KIAA1671: variants seen among roughly 807,000 people sequenced by gnomAD.
KIAA1671 encodes uncharacterized protein KIAA1671.
In KIAA1671, 52 loss-of-function variants were observed where a neutral mutation model predicts 131.2. The observed-to-expected ratio is 0.40, with a 90% CI of 0.32 to 0.50. The LOEUF (loss-of-function observed/expected upper bound fraction) is 0.50. KIAA1671 is among the 20% of genes least tolerant of loss of function. The pLI is 0.73. For synonymous variants in KIAA1671, 1,003 were observed against 961.6 expected, an observed-to-expected ratio of 1.04 and a Z score of -0.80; for missense variants, 2,360 against 2,364.2, an observed-to-expected ratio of 1.00 and a Z score of 0.04.
At chr22:25,074,954 G>A (rs1056812469) in intron 6 of KIAA1671, among the ~76,000 whole-genome samples, 1 of 152,126 alleles carries the variant, frequency 6.6e-6, no homozygotes, top group African/African-American at 2.4e-5. Context: ...ACTATTTTAC[G>A]TAACAACTTA....
intron 6 of KIAA1671, among the ~76,000 whole-genome samples, chr22:25,073,950 TC>T (rs1360308963): frequency 6.6e-6 from 1 of 152,180 alleles, no homozygotes; most frequent in Non-Finnish European, 1.5e-5. Context: ...CGCCTGGGCC[TC>T]CCAAAGTGCT....
chr22:25,173,991 G>A (rs1284604844), intron 7 of KIAA1671, among the ~76,000 whole-genome samples: 2 of 152,306 alleles, frequency 1.3e-5, no homozygotes, highest in East Asian at 1.9e-4. Context: ...AAAGGATCTT[G>A]AGTGGCACAG....
At chr22:25,156,476 TTG>T (rs150404749) in intron 6 of KIAA1671, among the ~76,000 whole-genome samples, 19 of 151,856 alleles carry the variant, frequency 1.3e-4, no homozygotes, top group South Asian at 2.1e-4. Context: ...TTGTGTGCAT[TTG>T]TGTGTGTGTG....
At chr22:25,099,773 G>GA (rs1238450979) in intron 6 of KIAA1671, among the ~76,000 whole-genome samples, 1 of 151,934 alleles carries the variant, frequency 6.6e-6, no homozygotes, top group Admixed American at 6.5e-5. Context: ...TCGGCCTCCC[G>GA]AGGTACTGGT....
Position 25,039,176 on chromosome 22 carries a change from G to C in KIAA1671, c.2046G>C (p.Glu682Asp). 1 of 1,551,960 alleles carries C rather than the reference G, an allele frequency of 6.4e-7. No homozygotes were observed. Among genetic ancestry groups the C allele is most frequent in the Middle Eastern group, 1.7e-4 (1 of 5,994 alleles). ...NSRGFDNPET[E>D]KLGPTTLLNG... The stretch of plus-strand genomic sequence containing the variant: ...GAGGGTTTGACAATCCCGAGACGGA[G>C]AAATTGGGACCAACCACCCTTTTGA... The change falls in exon 5 of 13, where the codon GAG becomes GAC. Residue 682 changes from glutamate (E) to aspartate (D), a missense_variant. Physicochemically the swap from Glu to Asp is conservative, Grantham distance 45 (BLOSUM62 2). Transcript: ENST00000358431.
chr22:25,089,110 G>A (rs111340305), intron 6 of KIAA1671, among the ~76,000 whole-genome samples: 7 of 152,264 alleles, frequency 4.6e-5, no homozygotes, highest in African/African-American at 1.7e-4. Flanking sequence ...GAAACCTAGA[G>A]ATGATTTAAT....
Position 25,130,530 on chromosome 22 carries a change from T to A in KIAA1671, c.4531-40290T>A, listed in dbSNP as rs1485256887. Among the ~76,000 whole-genome samples the A allele has an allele frequency of 3.9e-5, 6 of 152,346 alleles. No individual in the cohort carries two copies. The East Asian group carries it at 1.2e-3, about 29-fold the overall frequency. On this transcript the variant is annotated intron_variant, in intron 6 of 12. Transcript: ENST00000358431. ...ACTGCAAAGAGAAAGAGATTTGTCA[T>A]ACTCTGAAAACTTAATTAAACACTT...
Position 25,040,340 on chromosome 22 carries a change from T to G in KIAA1671, c.3210T>G (p.Thr1070=). The change falls in exon 5 of 13, where the codon ACT becomes ACG. Residue 1070 remains threonine, a synonymous_variant. Coordinates refer to ENST00000358431, the MANE Select transcript of KIAA1671 (RefSeq NM_001145206.2). ...PPSSPHSLTS[T]LVSLGHEEAL... is the part of the protein sequence containing the mutation. ...CGTCTCCTCATTCTTTAACATCCACTTTGGTTTCTCTTGGTCATGAAGAGG... is the reference window on the plus strand; with the variant it reads ...CGTCTCCTCATTCTTTAACATCCACGTTGGTTTCTCTTGGTCATGAAGAGG... 13 of 1,551,746 alleles carry G rather than the reference T, an allele frequency of 8.4e-6. No homozygotes were observed. The highest frequency in any genetic ancestry group is 1.1e-5 in the Non-Finnish European group (13 of 1,146,996).
At chr22:25,132,017 A>G (rs2145945943) in intron 6 of KIAA1671, among the ~76,000 whole-genome samples, 1 of 152,332 alleles carries the variant, frequency 6.6e-6, no homozygotes, top group African/African-American at 2.4e-5. Flanking sequence ...TGGCTGTGGT[A>G]ATTGTCTGGG....
At chr22:25,164,978 C>CGGGTGTGT (rs1933592577) in intron 6 of KIAA1671, among the ~76,000 whole-genome samples, 1 of 116,582 alleles carries the variant, frequency 8.6e-6, no homozygotes, top group Non-Finnish European at 1.7e-5. Flanking sequence ...GAGTTGCAGG[C>CGGGTGTGT]GTGTGTGTGT....
At chr22:25,177,812 T>C (rs921740561) in intron 9 of KIAA1671, among the ~76,000 whole-genome samples, 1 of 152,118 alleles carries the variant, frequency 6.6e-6, no homozygotes, top group African/African-American at 2.4e-5. Context: ...TCTGCTTCCC[T>C]TTCTGAGTCC....
chr22:25,120,120 G>A lies in KIAA1671; in HGVS notation c.4531-50700G>A, dbSNP rs563311256. On this transcript the variant is annotated intron_variant, in intron 6 of 12. Coordinates refer to ENST00000358431, the MANE Select transcript of KIAA1671 (RefSeq NM_001145206.2). ...CTGGAGATCTGGGCTTCAAAGAACTGGGGTCCAGCTGCTGTGTGCCCTTCC... is the reference window on the plus strand; with the variant it reads ...CTGGAGATCTGGGCTTCAAAGAACTAGGGTCCAGCTGCTGTGTGCCCTTCC... 2.7e-4 allele frequency among the ~76,000 whole-genome samples: 41 copies of A among 152,260 alleles called. No homozygotes were observed. In the South Asian group the frequency reaches 8.3e-3, roughly 31 times the overall value.
chr22:24,990,952 C>G (rs1923808706), intron 1 of KIAA1671, among the ~76,000 whole-genome samples: 1 of 152,198 alleles, frequency 6.6e-6, no homozygotes, highest in Admixed American at 6.5e-5. Flanking sequence ...TGTCCCACCC[C>G]TGGCCCAGGG....
chr22:24,954,548 G>T (rs937650623), intron 1 of KIAA1671, among the ~76,000 whole-genome samples: 1 of 152,316 alleles, frequency 6.6e-6, no homozygotes, highest in Non-Finnish European at 1.5e-5. Context: ...CAACCAGCGT[G>T]TATTGAGCAC....
At chr22:25,144,099 T>C (rs926264282) in intron 6 of KIAA1671, among the ~76,000 whole-genome samples, 1 of 152,334 alleles carries the variant, frequency 6.6e-6, no homozygotes, top group African/African-American at 2.4e-5. Context: ...AAGTGTTTGA[T>C]TGGTATGTAA....
intron 6 of KIAA1671, among the ~76,000 whole-genome samples, chr22:25,102,280 G>A (rs1409034912): frequency 1.3e-5 from 2 of 152,162 alleles, no homozygotes; most frequent in African/African-American, 2.4e-5. Context: ...GGCAGCCCTC[G>A]GTCTGGGCCT....
At chr22:25,016,508 A>G (rs2123883848) in intron 1 of KIAA1671, among the ~76,000 whole-genome samples, 1 of 152,276 alleles carries the variant, frequency 6.6e-6, no homozygotes, top group South Asian at 2.1e-4. Context: ...AACCTGCTCA[A>G]CCTCTTGTGT....
intron 6 of KIAA1671, among the ~76,000 whole-genome samples, chr22:25,068,286 T>G (rs1271653209): frequency 6.6e-6 from 1 of 151,402 alleles, no homozygotes; most frequent in African/African-American, 2.4e-5. Context: ...ACCCCTGACT[T>G]GTCAGGCAGC....
At chr22:25,017,783 C>T (rs1160917273) in intron 1 of KIAA1671, among the ~76,000 whole-genome samples, 4 of 152,124 alleles carry the variant, frequency 2.6e-5, no homozygotes, top group Non-Finnish European at 4.4e-5. Context: ...TGTTCTGGCT[C>T]CTAAGCCAGG....
Sources: allele counts gnomAD v4.1 joint callset (sites outside exome capture counted in the v4.1 genomes callset), GRCh38; gene constraint gnomAD v4.1.1; transcripts MANE v1.5; gene names NCBI Gene and HGNC (gene_info 2026-07-23, HGNC 2026-07-21).